The following LAMA3 variants were observed in gnomAD, a reference collection of about 807,000 sequenced individuals.
The protein encoded by LAMA3 is laminin subunit alpha 3, also known as laminin subunit alpha-3.
A neutral mutation model predicts 402.0 loss-of-function variants in LAMA3; 281 were observed. The observed-to-expected ratio is 0.70, with a 90% CI of 0.63 to 0.77. The LOEUF (loss-of-function observed/expected upper bound fraction) is 0.77. Among genes scored for constraint, LAMA3 ranks in the 30% least tolerant of loss-of-function variants. The pLI is 0.00. For synonymous variants in LAMA3, 1,431 were observed against 1,558.4 expected, an observed-to-expected ratio of 0.92 and a Z score of 1.93; for missense variants, 3,840 against 4,215.5, an observed-to-expected ratio of 0.91 and a Z score of 2.47.
intron 1 of LAMA3, among the ~76,000 whole-genome samples, chr18:23,701,709 C>T (rs2060792274): frequency 6.6e-6 from 1 of 152,080 alleles, no homozygotes; most frequent in African/African-American, 2.4e-5. Context: ...TTGCAATTTC[C>T]GCTGAGGATG....
intron 11 of LAMA3, among the ~76,000 whole-genome samples, chr18:23,780,679 A>G (rs1207878197): frequency 2.0e-5 from 3 of 152,198 alleles, no homozygotes; most frequent in African/African-American, 4.8e-5. Context: ...GCAGATTTGC[A>G]TATTGATGAT....
intron 73 of LAMA3, among the ~76,000 whole-genome samples, chr18:23,952,053 C>A (rs1193479096): frequency 6.6e-6 from 1 of 152,188 alleles, no homozygotes; most frequent in Non-Finnish European, 1.5e-5. Context: ...GGCTAGTTTT[C>A]AAGATAGTAT....
At chr18:23,884,700 T>A in intron 40 of LAMA3, 73 bp from the exon 41 acceptor site, 1 of 1,354,764 alleles carries the variant, frequency 7.4e-7, no homozygotes, top group South Asian at 1.2e-5. Flanking sequence ...AAGCCAGTCC[T>A]TTGTGGTAAA....
intron 66 of LAMA3, 154 bp downstream of exon 66, chr18:23,932,445 C>A: frequency 1.2e-6 from 1 of 816,626 alleles, no homozygotes; most frequent in Non-Finnish European, 1.9e-6. Flanking sequence ...TGGCAAGATA[C>A]ACCCATTAAA....
Position 23,915,414 on chromosome 18 carries a change from T to C in LAMA3, c.7770T>C (p.Pro2590=). 3.1e-6 allele frequency: 5 copies of C among 1,613,706 alleles called. No individual in the cohort carries two copies. The highest frequency in any genetic ancestry group is 4.2e-6 in the Non-Finnish European group (5 of 1,179,816). The change falls in exon 59 of 75, where the codon CCT becomes CCC. Residue 2590 remains proline, a synonymous_variant. Transcript: ENST00000313654. ...ATCTCAACACAACTGAAGTGGAGCC[T>C]TGTAGAAGGTAAATAAAATGTAGAA... The part of the protein sequence containing the change: ...TFNLNTTEVE[P]CRRRKEESDK...
At chr18:23,728,755 G>A (rs2061339634) in intron 2 of LAMA3, among the ~76,000 whole-genome samples, 1 of 152,122 alleles carries the variant, frequency 6.6e-6, no homozygotes, top group Non-Finnish European at 1.5e-5. Flanking sequence ...GAAACGGCTG[G>A]TGCAGTGGCT....
At chr18:23,898,676 C>A in intron 44 of LAMA3, 62 bp from the exon 45 acceptor site, 1 of 900,096 alleles carries the variant, frequency 1.1e-6, no homozygotes, top group Non-Finnish European at 1.9e-6. Context: ...ACCCTGTTGA[C>A]CAGGTTGATA....
chr18:23,738,963 C>T (rs185441756), intron 2 of LAMA3, among the ~76,000 whole-genome samples: 34 of 152,248 alleles, frequency 2.2e-4, no homozygotes, highest in Middle Eastern at 3.4e-3. Context: ...AAGATTCATA[C>T]GGTGGAAAGG....
At chr18:23,815,146 T>C in intron 15 of LAMA3, 42 bp from the exon 16 acceptor site, 1 of 1,583,594 alleles carries the variant, frequency 6.3e-7, no homozygotes, top group Non-Finnish European at 8.7e-7. Flanking sequence ...GAACTGTCTT[T>C]TGTGTCTCCC....
chr18:23,915,234 A>C, intron 58 of LAMA3, 55 bp from the exon 59 acceptor site: 1 of 1,584,662 alleles, frequency 6.3e-7, no homozygotes, highest in Non-Finnish European at 8.6e-7. Flanking sequence ...AATTGATACT[A>C]TTTTGATTAT....
At chr18:23,822,523 C>T (rs1000891495) in intron 20 of LAMA3, 148 bp downstream of exon 20, 66 of 797,946 alleles carry the variant, frequency 8.3e-5, no homozygotes, top group African/African-American at 7.4e-4. Context: ...GGAGCCCTGT[C>T]GTTTGTTACC....
At chr18:23,932,024 A>T in intron 65 of LAMA3, 136 bp from the exon 66 acceptor site, 1 of 1,069,176 alleles carries the variant, frequency 9.4e-7, no homozygotes, top group Non-Finnish European at 1.4e-6. Flanking sequence ...AATGCTCTTT[A>T]AAAATAAAGT....
At chr18:23,697,471 C>G (rs1278146615) in intron 1 of LAMA3, among the ~76,000 whole-genome samples, 5 of 152,128 alleles carry the variant, frequency 3.3e-5, no homozygotes, top group Non-Finnish European at 2.9e-5. Flanking sequence ...TTATCAGGAG[C>G]CTTGGCTGAG....
intron 2 of LAMA3, among the ~76,000 whole-genome samples, chr18:23,744,613 C>T (rs1247881204): frequency 6.6e-6 from 1 of 151,882 alleles, no homozygotes; most frequent in Non-Finnish European, 1.5e-5. Context: ...AAGTGGATCA[C>T]GAGGTCAGGA....
chr18:23,831,616 G>A (rs924330246), intron 23 of LAMA3, among the ~76,000 whole-genome samples: 32 of 152,224 alleles, frequency 2.1e-4, no homozygotes, highest in African/African-American at 7.7e-4. Flanking sequence ...GTTTTATGCT[G>A]TGTTTGTCTA....
At chr18:23,770,991 T>C (rs927046523) in intron 8 of LAMA3, among the ~76,000 whole-genome samples, 2 of 151,630 alleles carry the variant, frequency 1.3e-5, no homozygotes, top group Non-Finnish European at 2.9e-5. Context: ...ATGGTACAAC[T>C]ACTTTGGGAA....
chr18:23,897,761 C>A (rs1399234108), intron 44 of LAMA3, among the ~76,000 whole-genome samples: 1 of 152,212 alleles, frequency 6.6e-6, no homozygotes, highest in Non-Finnish European at 1.5e-5. Context: ...TGCTGTATCA[C>A]ACAAACATGC....
In LAMA3 at chr18:23,904,605, G is replaced by T. The variant is rs142259729; in HGVS notation, c.6526G>T (p.Ala2176Ser). 6.2e-7 allele frequency: 1 copy of T among 1,612,122 alleles called. No homozygotes were observed. Among genetic ancestry groups the T allele is most frequent in the African/African-American group, 1.3e-5 (1 of 74,872 alleles). Residue 2176 changes from alanine to serine, a missense_variant, in exon 51 of 75, where the codon GCC becomes TCC. Coordinates refer to ENST00000313654, the MANE Select transcript of LAMA3 (RefSeq NM_198129.4). ...DELVRCAVDA[A>S]TAYENILNAI... ...GCTGGTGCGCTGTGCTGTGGATGCC[G>T]CCACCGCCTACGAGAACATCCTCAA...
At chr18:23,937,799 C>T (rs1160949882) in intron 67 of LAMA3, among the ~76,000 whole-genome samples, 2 of 152,090 alleles carry the variant, frequency 1.3e-5, no homozygotes, top group Non-Finnish European at 2.9e-5. Flanking sequence ...TACAGTAGAA[C>T]GTCTCCATTC....
Sources: gnomAD v4.1 joint callset for allele counts (sites outside exome capture counted in the v4.1 genomes callset) on GRCh38, gnomAD v4.1.1 for gene constraint, MANE v1.5 for transcripts, NCBI Gene and HGNC (gene_info 2026-07-23, HGNC 2026-07-21) for gene names.